Variants in ZNF420 observed in about 807,000 individuals in gnomAD.
ZNF420 encodes ATM and p53-associated KZNF protein.
In ZNF420, 31 loss-of-function variants were observed where a neutral mutation model predicts 44.7. That is an observed-to-expected ratio of 0.69 (90% CI 0.52 to 0.94). ZNF420 has a LOEUF of 0.94. Ranked by LOEUF, ZNF420 falls within the 40% of genes least tolerant of loss-of-function variation. The pLI is 0.00. For missense variants in ZNF420, 681 were observed against 827.9 expected, an observed-to-expected ratio of 0.82 and a Z score of 2.18; for synonymous variants, 245 against 267.4, an observed-to-expected ratio of 0.92 and a Z score of 0.82.
Position 37,128,164 on chromosome 19 carries a change from T to C in ZNF420, c.1173T>C (p.Tyr391=), listed in dbSNP as rs1426479748. The change falls in exon 5 of 5, where the codon TAT becomes TAC. Residue 391 remains tyrosine, a synonymous_variant. Coordinates refer to ENST00000337995, the MANE Select transcript of ZNF420 (RefSeq NM_144689.5). ...GAATTCACACCAATGAAAAGCCCTATGAATGTAAGGAATGTGGAAAGATGT... is the reference window on the plus strand; with the variant it reads ...GAATTCACACCAATGAAAAGCCCTACGAATGTAAGGAATGTGGAAAGATGT... ...HQRIHTNEKP[Y]ECKECGKMFS... 2 of 1,614,096 alleles carry C rather than the reference T, an allele frequency of 1.2e-6. No individual in the cohort carries two copies. The highest frequency in any genetic ancestry group is 1.7e-6 in the Non-Finnish European group (2 of 1,179,978).
At chr19:37,011,757 C>T (rs1333988386) in intron 1 of ZNF420, among the ~76,000 whole-genome samples, 1 of 152,134 alleles carries the variant, frequency 6.6e-6, no homozygotes, top group Non-Finnish European at 1.5e-5. Flanking sequence ...CCCCATATGG[C>T]CTTGGTGACA....
chr19:37,046,858 T>C (rs1370604758), intron 1 of ZNF420, among the ~76,000 whole-genome samples: 1 of 151,346 alleles, frequency 6.6e-6, no homozygotes, highest in Non-Finnish European at 1.5e-5. Context: ...AAATAATTTT[T>C]AAGAAATTGA....
chr19:37,036,485 C>T (rs891004372), intron 1 of ZNF420, among the ~76,000 whole-genome samples: 25 of 152,200 alleles, frequency 1.6e-4, no homozygotes, highest in Admixed American at 3.3e-4. Flanking sequence ...CAGCACTGAG[C>T]CAGCAGGAAG....
chr19:37,009,575 A>T (rs573625474), intron 1 of ZNF420, among the ~76,000 whole-genome samples: 1 of 152,072 alleles, frequency 6.6e-6, no homozygotes, highest in Non-Finnish European at 1.5e-5. Context: ...TCTTGTTTGC[A>T]TGTCTCCTGG....
chr19:37,108,136 G>A (rs1007625893), intron 4 of ZNF420, among the ~76,000 whole-genome samples: 5 of 152,064 alleles, frequency 3.3e-5, no homozygotes. Context: ...GAATTCTTTT[G>A]CCAATCATTA....
intron 1 of ZNF420, among the ~76,000 whole-genome samples, chr19:37,040,795 T>G (rs1967439246): frequency 6.6e-6 from 1 of 152,086 alleles, no homozygotes; most frequent in East Asian, 1.9e-4. Context: ...ACTTAAGTGA[T>G]TAAAATTCTA....
chr19:37,093,024 A>C (rs1249952430), intron 4 of ZNF420: 1 of 152,142 alleles, frequency 6.6e-6, no homozygotes, highest in Non-Finnish European at 1.5e-5. Flanking sequence ...GGTAATTTAT[A>C]ATAAAAAGAG....
rs1312409721 is a variant in ZNF420, at chr19:37,084,002, G to C, written c.-81+3614G>C. ...ATTTTATATTTGTGTTTTATAATCT[G>C]AAAAAATCTTAATTCGTAATGATTA... On this transcript the variant is annotated intron_variant, in intron 2 of 4. Transcript: ENST00000337995. Among the ~76,000 whole-genome samples, 3 of 151,954 alleles carry C rather than the reference G, an allele frequency of 2.0e-5. No individual in the cohort carries two copies. In the East Asian group the frequency reaches 5.8e-4, roughly 29 times the overall value.
At chr19:37,021,936 C>CAAAAAAAAAAAAAAAAAAAAAAA in intron 1 of ZNF420, among the ~76,000 whole-genome samples, 1 of 84,588 alleles carries the variant, frequency 1.2e-5, no homozygotes, top group Non-Finnish European at 2.3e-5. Context: ...CAGTCTGTCT[C>CAAAAAAAAAAAAAAAAAAAAAAA]AAAAAAAAAA....
intron 4 of ZNF420, among the ~76,000 whole-genome samples, chr19:37,125,022 G>A (rs1971271382): frequency 6.6e-6 from 1 of 152,122 alleles, no homozygotes; most frequent in South Asian, 2.1e-4. Flanking sequence ...ATTTTTAGTA[G>A]AGACGGGTTT....
At chr19:37,008,081 G>A (rs1286453225) in exon 1 of ZNF420, 2 of 270,576 alleles carry the variant, frequency 7.4e-6, no homozygotes, top group South Asian at 4.0e-5. Context: ...GACGGTGTGC[G>A]GGTGAGTCTC....
intron 1 of ZNF420, among the ~76,000 whole-genome samples, chr19:37,019,993 G>A (rs899571270): frequency 1.3e-5 from 2 of 152,082 alleles, no homozygotes; most frequent in African/African-American, 2.4e-5. Context: ...TGAGGAGGGC[G>A]GATCATAAGG....
intron 1 of ZNF420, among the ~76,000 whole-genome samples, chr19:37,051,084 G>A (rs1429732381): frequency 1.7e-4 from 26 of 152,198 alleles, no homozygotes; most frequent in Admixed American, 1.6e-3. Flanking sequence ...CTTGATCATG[G>A]TGGATAAGCT....
At chr19:37,012,885 G>A (rs2074582680) in intron 1 of ZNF420, among the ~76,000 whole-genome samples, 1 of 151,928 alleles carries the variant, frequency 6.6e-6, no homozygotes, top group African/African-American at 2.4e-5. Context: ...GCGCCCGTTT[G>A]CGTGTGTGTG....
chr19:37,121,454 C>T (rs1971029063), intron 4 of ZNF420, among the ~76,000 whole-genome samples: 3 of 150,426 alleles, frequency 2.0e-5, no homozygotes, highest in South Asian at 2.1e-4. Flanking sequence ...CCCTTCCTTA[C>T]ACCTTATACA....
intron 1 of ZNF420, among the ~76,000 whole-genome samples, chr19:37,014,108 A>G (rs1236823276): frequency 6.6e-6 from 1 of 152,154 alleles, no homozygotes; most frequent in Non-Finnish European, 1.5e-5. Context: ...AGGTTTCTGC[A>G]AAGTACCCTT....
At chr19:37,025,202 C>T (rs992057561) in intron 1 of ZNF420, 10 of 399,916 alleles carry the variant, frequency 2.5e-5, no homozygotes, top group East Asian at 5.4e-5. Flanking sequence ...AAAGCTTCCC[C>T]ACACTCTTTA....
chr19:37,107,965 C>G (rs1202802652), intron 4 of ZNF420, among the ~76,000 whole-genome samples: 2 of 152,132 alleles, frequency 1.3e-5, no homozygotes, highest in African/African-American at 4.8e-5. Context: ...ATTATAAACT[C>G]CAGGTGTAAT....
intron 3 of ZNF420, among the ~76,000 whole-genome samples, chr19:37,090,408 A>T (rs1023234260): frequency 1.3e-5 from 2 of 152,180 alleles, no homozygotes; most frequent in Non-Finnish European, 2.9e-5. Flanking sequence ...ACTACTCAGG[A>T]GAATGAGACA....
Sources: allele counts gnomAD v4.1 joint callset (sites outside exome capture counted in the v4.1 genomes callset), GRCh38; gene constraint gnomAD v4.1.1; transcripts MANE v1.5; gene names NCBI Gene and HGNC (gene_info 2026-07-23, HGNC 2026-07-21).